CSMD2: variants seen among roughly 807,000 people sequenced by gnomAD.
The protein encoded by CSMD2 is CUB and sushi domain-containing protein 2.
CSMD2 carries 130 observed loss-of-function variants against 398.5 expected under a neutral mutation model. The observed-to-expected ratio is 0.33, with a 90% CI of 0.28 to 0.38. The LOEUF is 0.38. Among genes scored for constraint, CSMD2 ranks in the 10% least tolerant of loss-of-function variants. The pLI is 1.00. For missense variants in CSMD2, 3,829 were observed against 4,764.9 expected (o/e 0.80, Z 5.78); for synonymous variants, 1,828 against 1,908.5 (o/e 0.96, Z 1.10).
chr1:33,952,044 A>C (rs1645023847), intron 3 of CSMD2, among the ~76,000 whole-genome samples: 1 of 152,176 alleles, frequency 6.6e-6, no homozygotes. Flanking sequence ...CTTTGTACAC[A>C]CCTCCATGGA....
chr1:33,823,578 C>T (rs547436099), intron 7 of CSMD2, among the ~76,000 whole-genome samples: 120 of 152,166 alleles, frequency 7.9e-4, no homozygotes, highest in African/African-American at 2.8e-3. Context: ...TTCTACCCAA[C>T]GCAGGGAGTC....
intron 60 of CSMD2, among the ~76,000 whole-genome samples, 175 bp downstream of exon 60, chr1:33,540,350 C>A (rs969200178): frequency 2.0e-5 from 3 of 152,058 alleles, no homozygotes; most frequent in Non-Finnish European, 4.4e-5. Context: ...ATTAAGGGAT[C>A]CTCATTTTCT....
intron 1 of CSMD2, among the ~76,000 whole-genome samples, chr1:34,104,174 C>T (rs367711097): frequency 6.6e-6 from 1 of 152,232 alleles, no homozygotes; most frequent in East Asian, 1.9e-4. Context: ...CTTTTTGCCG[C>T]ACTAGTGAAT....
At chr1:33,847,127 G>A (rs1009281984) in intron 5 of CSMD2, 131 bp from the exon 6 acceptor site, 41 of 578,246 alleles carry the variant, frequency 7.1e-5, no homozygotes, top group African/African-American at 4.9e-4. Flanking sequence ...AAGGGAAGGC[G>A]GTGTTGCCCC....
chr1:34,110,349 T>C (rs1444773851), intron 1 of CSMD2, among the ~76,000 whole-genome samples: 1 of 152,160 alleles, frequency 6.6e-6, no homozygotes, highest in Non-Finnish European at 1.5e-5. Flanking sequence ...ACTGGGTATA[T>C]ACACAAAGGA....
intron 19 of CSMD2, among the ~76,000 whole-genome samples, chr1:33,723,101 G>A (rs1003030439): frequency 2.0e-5 from 3 of 152,106 alleles, no homozygotes; most frequent in Non-Finnish European, 2.9e-5. Context: ...TATTCTCCAC[G>A]TCTTATTTGT....
At position 33,567,142 on chromosome 1, in the gene CSMD2, A is replaced by G. The variant is rs564686682; in HGVS notation, c.8380+451T>C. Among the ~76,000 whole-genome samples, 374 of 152,194 alleles carry G rather than the reference A, an allele frequency of 2.5e-3. 2 individuals are homozygous for G. Among genetic ancestry groups the G allele is most frequent in the African/African-American group, 8.7e-3 (362 of 41,548 alleles). On this transcript the variant is annotated intron_variant, in intron 53 of 70. Coordinates refer to ENST00000373381, the MANE Select transcript of CSMD2 (RefSeq NM_001281956.2). The stretch of plus-strand genomic sequence containing the variant: ...CACCTAGAAACAAATCCTTCTATTA[A>G]AAATTTTCTATGTAAAAGGGGAAAT...
chr1:33,534,896 G>A (rs146898879), intron 62 of CSMD2, among the ~76,000 whole-genome samples: 5 of 152,262 alleles, frequency 3.3e-5, no homozygotes, highest in African/African-American at 4.8e-5. Flanking sequence ...CCGAACAAGC[G>A]TTCAGGATCA....
At chr1:33,878,503 A>G (rs1421453972) in intron 5 of CSMD2, among the ~76,000 whole-genome samples, 1 of 152,242 alleles carries the variant, frequency 6.6e-6, no homozygotes, top group Non-Finnish European at 1.5e-5. Context: ...GTCTCTTCAA[A>G]GGAGCCATTA....
rs1344681326 is a variant in CSMD2, at chr1:34,161,816, G to A, written c.187+3095C>T. On this transcript the variant is annotated intron_variant, in intron 1 of 70. Coordinates refer to ENST00000373381, the MANE Select transcript of CSMD2 (RefSeq NM_001281956.2). ...TAGATAGGTCAATAGGGCCAAGAAG[G>A]CTTCTTGGCTTGTTTTGTGGTAAAG... Among the ~76,000 whole-genome samples the A allele has an allele frequency of 1.3e-5, 2 of 152,010 alleles. 1 individual carries two copies. The highest frequency in any genetic ancestry group is 4.2e-4 in the South Asian group (2 of 4,814).
At chr1:34,001,882 G>A (rs983778635) in intron 3 of CSMD2, among the ~76,000 whole-genome samples, 2 of 152,064 alleles carry the variant, frequency 1.3e-5, no homozygotes, top group African/African-American at 4.8e-5. Context: ...ATGCAGGGGT[G>A]GTTAATAAAT....
At chr1:33,603,420 T>G (rs1414341708) in intron 42 of CSMD2, among the ~76,000 whole-genome samples, 1 of 152,150 alleles carries the variant, frequency 6.6e-6, no homozygotes, top group Non-Finnish European at 1.5e-5. Context: ...TAATGAGTGT[T>G]GTAGCTGACA....
chr1:33,965,638 T>C (rs2125407144), intron 3 of CSMD2, among the ~76,000 whole-genome samples: 1 of 152,340 alleles, frequency 6.6e-6, no homozygotes, highest in East Asian at 1.9e-4. Context: ...CTAAAAATAC[T>C]TCCTGTCTAC....
chr1:34,102,948 C>T lies in CSMD2; in HGVS notation c.188-13755G>A, dbSNP rs560748280. Among the ~76,000 whole-genome samples, 319 of 152,296 alleles carry T rather than the reference C, an allele frequency of 2.1e-3. 4 individuals are homozygous for T. The highest frequency in any genetic ancestry group is 0.012 in the Admixed American group (182 of 15,292). On this transcript the variant is annotated intron_variant, in intron 1 of 70. Coordinates refer to ENST00000373381, the MANE Select transcript of CSMD2 (RefSeq NM_001281956.2). ...ACCCTCCCCAGTAAAATACAATCTCCATGAGAGTGGGGCACCATTTTTTTC... is the reference window on the plus strand; with the variant it reads ...ACCCTCCCCAGTAAAATACAATCTCTATGAGAGTGGGGCACCATTTTTTTC...
chr1:33,909,817 C>T (rs141831592), intron 5 of CSMD2, among the ~76,000 whole-genome samples: 1 of 152,132 alleles, frequency 6.6e-6, no homozygotes, highest in Non-Finnish European at 1.5e-5. Flanking sequence ...ACTGTGAATT[C>T]GTAACCAAGG....
chr1:33,813,338 A>G (rs4653351), intron 9 of CSMD2, among the ~76,000 whole-genome samples: 17,292 of 152,164 alleles, frequency 0.11, 1,184 homozygotes, highest in East Asian at 0.26. Context: ...CTGCTATCTG[A>G]GCAAAGTCAG....
chr1:34,151,999 T>C (rs1393523062), intron 1 of CSMD2, among the ~76,000 whole-genome samples: 2 of 152,092 alleles, frequency 1.3e-5, no homozygotes, highest in Non-Finnish European at 2.9e-5. Flanking sequence ...CATGCCACTA[T>C]ACCCAGCTAA....
rs61746666 is a variant in CSMD2, at chr1:33,611,140, C to T, written c.6244G>A (p.Glu2082Lys). The change falls in exon 41 of 71, where the codon GAG becomes AAG. Residue 2082 changes from glutamate to lysine, a missense_variant. Around this residue, in one of 5 missense-constraint regions of CSMD2, gnomAD observed 2,001 missense variants for 2,567.1 expected, o/e 0.78. Transcript: ENST00000373381. ...SRMMGRFSGS[E>K]LPSSLLSTSH... The stretch of plus-strand genomic sequence containing the variant: ...GTGGAGAGGAGGGAGCTTGGAAGCT[C>T]GCTTCCACTGAATCTTCCCATCATG... 3,285 of 1,613,850 alleles carry T rather than the reference C, an allele frequency of 2.0e-3. 55 individuals carry two copies. In the African/African-American group the frequency reaches 0.039, roughly 19 times the overall value.
At chr1:34,024,790 G>A (rs1039037471) in intron 3 of CSMD2, among the ~76,000 whole-genome samples, 1 of 152,160 alleles carries the variant, frequency 6.6e-6, no homozygotes, top group South Asian at 2.1e-4. Context: ...TGCATATTCA[G>A]TGTATGTCTA....
Sources: gnomAD v4.1 joint callset for allele counts (sites outside exome capture counted in the v4.1 genomes callset) on GRCh38, gnomAD v4.1.1 for gene constraint, gnomAD v4.1.1 regional missense constraint, MANE v1.5 for transcripts, NCBI Gene and HGNC (gene_info 2026-07-23, HGNC 2026-07-21) for gene names.